ATP6V0A4: variants seen among roughly 807,000 people sequenced by gnomAD.
The protein encoded by ATP6V0A4 is ATPase H+ transporting V0 subunit a4.
Under a neutral mutation model 107.3 loss-of-function variants are expected in ATP6V0A4, and 86 were observed. The ratio of observed to expected loss-of-function variants is 0.80; its 90% CI spans 0.67 to 0.96. The LOEUF (loss-of-function observed/expected upper bound fraction) is 0.96, where lower values mean the gene tolerates loss of function less well. Among genes scored for constraint, ATP6V0A4 ranks in the 40% least tolerant of loss-of-function variants. The probability of loss-of-function intolerance (pLI) is 0.00; values close to 1 mark genes in which losing one functional copy is unlikely to be tolerated. For synonymous variants in ATP6V0A4, 353 were observed against 381.4 expected (o/e 0.93, Z 0.87); for missense variants, 908 against 1,045.6 (o/e 0.87, Z 1.81).
At chr7:138,712,477 G>A (rs1052669679) in intron 20 of ATP6V0A4, among the ~76,000 whole-genome samples, 5 of 152,112 alleles carry the variant, frequency 3.3e-5, no homozygotes. Context: ...CCTGACCAGT[G>A]CAGGAGGCTA....
chr7:138,745,548 A>G (rs1406635109), intron 13 of ATP6V0A4, among the ~76,000 whole-genome samples: 1 of 151,452 alleles, frequency 6.6e-6, no homozygotes, highest in Non-Finnish European at 1.5e-5. Flanking sequence ...GTGGTGGTGC[A>G]TGCCTGTAAT....
intron 14 of ATP6V0A4, among the ~76,000 whole-genome samples, chr7:138,740,524 C>A (rs1490752273): frequency 6.7e-6 from 1 of 149,600 alleles, no homozygotes; most frequent in Non-Finnish European, 1.5e-5. Flanking sequence ...CCACCCCCAC[C>A]CCCCAACCCC....
chr7:138,713,789 A>G (rs757925395), intron 20 of ATP6V0A4, among the ~76,000 whole-genome samples: 44 of 152,046 alleles, frequency 2.9e-4, no homozygotes, highest in Non-Finnish European at 4.7e-4. Flanking sequence ...GGGCCCAGGG[A>G]GTACTGCGTC....
intron 18 of ATP6V0A4, among the ~76,000 whole-genome samples, chr7:138,723,522 T>G: frequency 1.1e-5 from 1 of 88,574 alleles, no homozygotes; most frequent in East Asian, 3.4e-4. Flanking sequence ...TTCTTTCTTT[T>G]CTTTTTTTTT....
rs1378760129 is a variant in ATP6V0A4, at chr7:138,771,228, C to T, written c.20G>A (p.Ser7Asn). 3.1e-6 allele frequency: 5 copies of T among 1,613,846 alleles called. No individual in the cohort carries two copies. Among genetic ancestry groups the T allele is most frequent in the Non-Finnish European group, 4.2e-6 (5 of 1,179,774 alleles). ...CAGTTGTGACAAACACATCTCCTCG[C>T]TTCGAAACACAGACACCATCTTGGC... MVSVFRSEEMCLSQLFL... is the reference protein window; with the variant it reads MVSVFRNEEMCLSQLFL... The change falls in exon 3 of 22, where the codon AGC (serine) becomes AAC (asparagine). Residue 7 changes from serine to asparagine, a missense_variant. By Grantham distance (46) the Ser-to-Asn change is conservative. Coordinates refer to ENST00000310018, the MANE Select transcript of ATP6V0A4 (RefSeq NM_020632.3).
intron 1 of ATP6V0A4, among the ~76,000 whole-genome samples, chr7:138,792,115 T>C (rs143251337): frequency 0.011 from 1,680 of 152,238 alleles, 10 homozygotes; most frequent in Non-Finnish European, 0.019. Context: ...GAGACCATCC[T>C]GGCTAACACG....
chr7:138,743,880 A>T (rs538006276), intron 14 of ATP6V0A4, among the ~76,000 whole-genome samples: 2 of 152,330 alleles, frequency 1.3e-5, no homozygotes, highest in East Asian at 3.9e-4. Context: ...CCCAAAATCA[A>T]GAGGCTGTCG....
chr7:138,759,995 G>A, intron 7 of ATP6V0A4, 117 bp from the exon 8 acceptor site: 3 of 1,557,820 alleles, frequency 1.9e-6, no homozygotes, highest in Non-Finnish European at 2.6e-6. Context: ...CTGTGAGCAG[G>A]AGGGACCCCG....
In ATP6V0A4 at chr7:138,756,472, C is replaced by T; in HGVS notation, c.708G>A (p.Lys236=). 1 of 1,608,032 alleles carries T rather than the reference C, an allele frequency of 6.2e-7. No homozygotes were observed. Among genetic ancestry groups the T allele is most frequent in the African/African-American group, 1.3e-5 (1 of 74,500 alleles). ...YQGEQLRQKI[K]KICDGFRATV... is the part of the protein sequence containing the mutation. The stretch of plus-strand genomic sequence containing the variant: ...CTCCCTCTTACCCATCACAGATCTT[C>T]TTGATTTTCTGCCTGAGCTGCTCTC... The change falls in exon 9 of 22, where the codon AAG becomes AAA. Residue 236 remains lysine (K), a synonymous_variant. Coordinates refer to ENST00000310018, the MANE Select transcript of ATP6V0A4 (RefSeq NM_020632.3).
In ATP6V0A4 at chr7:138,795,674, T is replaced by C. The variant is rs370465455; in HGVS notation, c.-121+2360A>G. Among the ~76,000 whole-genome samples, 22 of 152,322 alleles carry C rather than the reference T, an allele frequency of 1.4e-4. No homozygotes were observed. The East Asian group carries it at 3.1e-3, about 21-fold the overall frequency. On this transcript the variant is annotated intron_variant, in intron 1 of 21. Transcript: ENST00000310018. ...TGTTTGTTTGGGGACAGGGTCTCAC[T>C]GTGTCACCCAGGCTGGAGTGCAGTG...
chr7:138,796,831 T>A (rs1467276376), intron 1 of ATP6V0A4, among the ~76,000 whole-genome samples: 1 of 150,730 alleles, frequency 6.6e-6, no homozygotes, highest in Non-Finnish European at 1.5e-5. Context: ...GTCTCAGTCA[T>A]CTCAGTCTCC....
chr7:138,728,150 C>T (rs1314856813), intron 18 of ATP6V0A4, among the ~76,000 whole-genome samples: 2 of 130,664 alleles, frequency 1.5e-5, no homozygotes, highest in African/African-American at 5.6e-5. Flanking sequence ...CATTCAGACC[C>T]TTATAAATCA....
At chr7:138,718,752 C>T (rs1044699896) in intron 19 of ATP6V0A4, among the ~76,000 whole-genome samples, 2 of 144,934 alleles carry the variant, frequency 1.4e-5, no homozygotes, top group African/African-American at 2.6e-5. Flanking sequence ...TCACTGATGT[C>T]AGAGGTTATG....
intron 5 of ATP6V0A4, among the ~76,000 whole-genome samples, chr7:138,767,535 T>A (rs1807156574): frequency 6.6e-6 from 1 of 151,546 alleles, no homozygotes; most frequent in African/African-American, 2.4e-5. Flanking sequence ...AAAAATATGA[T>A]AAGGTCCAAA....
rs1419317084 is a variant in ATP6V0A4 at position 138,798,129 on chromosome 7, C to T, written c.-216G>A. ...CATGCAGCGCCTCCCCGCTGCCACCCGGGCCACCCTGATCCTCAGCCTGGC... is the reference window on the plus strand; with the variant it reads ...CATGCAGCGCCTCCCCGCTGCCACCTGGGCCACCCTGATCCTCAGCCTGGC... On this transcript the variant is annotated 5_prime_UTR_variant, in exon 1 of 22. Transcript: ENST00000310018. 5.6e-6 allele frequency: 9 copies of T among 1,601,542 alleles called. No individual in the cohort carries two copies. The highest frequency in any genetic ancestry group is 4.0e-5 in the African/African-American group (3 of 74,822).
intron 15 of ATP6V0A4, 121 bp from the exon 16 acceptor site, chr7:138,734,375 C>T (rs1805196221): frequency 2.7e-6 from 4 of 1,502,756 alleles, no homozygotes; most frequent in Non-Finnish European, 3.7e-6. Flanking sequence ...TTTCATATTT[C>T]AGTCCAGCTC....
At position 138,755,572 on chromosome 7, in the gene ATP6V0A4, G is replaced by C. The variant is rs888897655; in HGVS notation, c.816+117C>G. On this transcript the variant is annotated intron_variant, in intron 10 of 21. Transcript: ENST00000310018. ...CCACAGCCACAACCAGAAAGGCATA[G>C]CCAGCATTCCAGCCAGCCTCCCAGC... 6.5e-6 allele frequency: 9 copies of C among 1,385,644 alleles called. No individual in the cohort carries two copies. In the African/African-American group the frequency reaches 1.1e-4, roughly 18 times the overall value. 85.8% of individuals were successfully genotyped at this position (1,385,644 alleles called of 1,614,324 possible). A position where few individuals can be genotyped will look rare whatever the true frequency, so the allele number is the denominator to read the frequency against.
chr7:138,780,105 T>C (rs1025404320), intron 2 of ATP6V0A4: 2 of 152,192 alleles, frequency 1.3e-5, no homozygotes, highest in African/African-American at 4.8e-5. Context: ...GTTGTGTTGT[T>C]GCAGTTTCCC....
intron 2 of ATP6V0A4, among the ~76,000 whole-genome samples, chr7:138,776,061 C>T (rs959449547): frequency 6.6e-6 from 1 of 152,210 alleles, no homozygotes; most frequent in South Asian, 2.1e-4. Context: ...AATCCTCCCA[C>T]CTCTGCTTCC....
Sources: allele counts gnomAD v4.1 joint callset (sites outside exome capture counted in the v4.1 genomes callset), GRCh38; gene constraint gnomAD v4.1.1; transcripts MANE v1.5; gene names NCBI Gene and HGNC (gene_info 2026-07-23, HGNC 2026-07-21).